Variants in COL4A2 observed in about 807,000 individuals in gnomAD.
COL4A2 encodes collagen alpha-2(IV) chain.
A neutral mutation model predicts 200.2 loss-of-function variants in COL4A2; 99 were observed. That is an observed-to-expected ratio of 0.49 (90% CI 0.42 to 0.58). COL4A2 has a LOEUF of 0.58. COL4A2 is among the 20% of genes least tolerant of loss of function. COL4A2 has a pLI of 0.00. For missense variants in COL4A2, 1,950 were observed against 2,314.1 expected (o/e 0.84, Z 3.23); for synonymous variants, 897 against 900.6 (o/e 1.00, Z 0.07).
chr13:110,347,024 C>A (rs558628865), intron 3 of COL4A2, among the ~76,000 whole-genome samples: 8 of 152,220 alleles, frequency 5.3e-5, no homozygotes, highest in African/African-American at 1.9e-4. Context: ...CTGCCTTCCT[C>A]GCTGGTGAGA....
rs1566570964 is a variant in COL4A2 at position 110,503,101 on chromosome 13, C to A, written c.3878-20C>A. ...TGGGGCCCTGTTTAAACCCTCCTTT[C>A]TTGTCCCTAATGCCAACAGGTTATC... On this transcript the variant is annotated intron_variant, in intron 41 of 47. Coordinates refer to ENST00000360467, the MANE Select transcript of COL4A2 (RefSeq NM_001846.4). The A allele has an allele frequency of 6.2e-7, 1 of 1,611,730 alleles. No homozygotes were observed. The highest frequency in any genetic ancestry group is 1.3e-5 in the African/African-American group (1 of 74,830).
chr13:110,465,660 T>C (rs1882212447), intron 25 of COL4A2, 54 bp downstream of exon 25: 3 of 1,462,714 alleles, frequency 2.1e-6, no homozygotes, highest in African/African-American at 2.8e-5. Context: ...TTCCACGCTT[T>C]CCTTTGTCAG....
rs556170729 is a variant in COL4A2 at position 110,311,233 on chromosome 13, G to A, written c.99+3110G>A. Among the ~76,000 whole-genome samples, 427 of 152,296 alleles carry A rather than the reference G, an allele frequency of 2.8e-3. 1 individual carries two copies. Among genetic ancestry groups the A allele is most frequent in the African/African-American group, 9.3e-3 (388 of 41,570 alleles). On this transcript the variant is annotated intron_variant, in intron 3 of 47. Coordinates refer to ENST00000360467, the MANE Select transcript of COL4A2 (RefSeq NM_001846.4). ...GGAGGAAAGGAAGCCGAAATCCCAC[G>A]GGGCAGCCTGGGCTCTAGACTCAGT...
chr13:110,408,782 C>G (rs1292182098), intron 4 of COL4A2, among the ~76,000 whole-genome samples: 1 of 146,460 alleles, frequency 6.8e-6, no homozygotes, highest in South Asian at 2.2e-4. Flanking sequence ...AGCCACATGA[C>G]ACGCGTACAC....
intron 22 of COL4A2, 112 bp downstream of exon 22, chr13:110,459,046 T>C (rs1031531285): frequency 9.3e-7 from 1 of 1,078,946 alleles, no homozygotes; most frequent in Non-Finnish European, 1.3e-6. Flanking sequence ...GCAACACTCA[T>C]GGACCCAAGG....
chr13:110,501,735 C>G lies in COL4A2; in HGVS notation c.3828C>G (p.Ile1276Met), dbSNP rs1883650474. 6.2e-7 allele frequency: 1 copy of G among 1,613,658 alleles called. No homozygotes were observed. Among genetic ancestry groups the G allele is most frequent in the African/African-American group, 1.3e-5 (1 of 74,922 alleles). ...CTGGTATCACACCCCCTTCCAACAT[C>G]TCTGGGGCACCTGGTGACAAAGGGG... ...GFPGITPPSN[I>M]SGAPGDKGAP... The change falls in exon 41 of 48, where the codon ATC becomes ATG. Residue 1276 changes from isoleucine (I) to methionine (M), a missense_variant. Physicochemically the swap from Ile to Met is conservative, Grantham distance 10. Coordinates refer to ENST00000360467, the MANE Select transcript of COL4A2 (RefSeq NM_001846.4).
chr13:110,497,346 G>T (rs1187355008), intron 40 of COL4A2, among the ~76,000 whole-genome samples: 1 of 147,996 alleles, frequency 6.8e-6, no homozygotes. Flanking sequence ...CACCAGCACA[G>T]CTTCAGCCAG....
chr13:110,347,564 C>T (rs1268143856), intron 3 of COL4A2, among the ~76,000 whole-genome samples: 1 of 152,262 alleles, frequency 6.6e-6, no homozygotes, highest in Non-Finnish European at 1.5e-5. Flanking sequence ...TGCCATCCCT[C>T]CACTGTCATT....
At chr13:110,482,401 G>C (rs1882965143) in intron 31 of COL4A2, 115 bp from the exon 32 acceptor site, 2 of 1,159,326 alleles carry the variant, frequency 1.7e-6, no homozygotes, top group Non-Finnish European at 2.5e-6. Flanking sequence ...CCTATTTTAG[G>C]TTCAGAATCT....
At chr13:110,314,469 G>A (rs781003168) in intron 3 of COL4A2, among the ~76,000 whole-genome samples, 4 of 152,220 alleles carry the variant, frequency 2.6e-5, no homozygotes, top group Non-Finnish European at 5.9e-5. Flanking sequence ...ATACAGCAGA[G>A]GTAGACCCAA....
At chr13:110,403,652 G>A (rs557632048) in intron 4 of COL4A2, among the ~76,000 whole-genome samples, 4 of 152,178 alleles carry the variant, frequency 2.6e-5, no homozygotes, top group African/African-American at 7.2e-5. Flanking sequence ...TCACCCTTAA[G>A]GTTCTGTTCA....
At chr13:110,457,994 G>A (rs559098364) in intron 21 of COL4A2, 33 of 405,564 alleles carry the variant, frequency 8.1e-5, no homozygotes, top group African/African-American at 3.1e-4. Flanking sequence ...GCTCGAGGCC[G>A]TCCTCTGTGA....
At chr13:110,346,534 C>G (rs1161315978) in intron 3 of COL4A2, among the ~76,000 whole-genome samples, 1 of 152,164 alleles carries the variant, frequency 6.6e-6, no homozygotes, top group African/African-American at 2.4e-5. Flanking sequence ...ATGCAGGCAA[C>G]TCATATTTCG....
intron 28 of COL4A2, among the ~76,000 whole-genome samples, chr13:110,471,245 G>T (rs1882457835): frequency 6.6e-6 from 1 of 152,214 alleles, no homozygotes; most frequent in Non-Finnish European, 1.5e-5. Context: ...CTCCCCTGTA[G>T]GGGGGAATGG....
At chr13:110,393,491 A>G (rs965683374) in intron 4 of COL4A2, among the ~76,000 whole-genome samples, 3 of 152,028 alleles carry the variant, frequency 2.0e-5, no homozygotes, top group African/African-American at 7.3e-5. Context: ...CTGAGTAGTG[A>G]GGATTTTATT....
intron 36 of COL4A2, among the ~76,000 whole-genome samples, chr13:110,491,015 G>T (rs1244349635): frequency 6.6e-6 from 1 of 152,156 alleles, no homozygotes; most frequent in East Asian, 1.9e-4. Context: ...GACAGTGAGG[G>T]GTGCATGGGT....
intron 3 of COL4A2, among the ~76,000 whole-genome samples, chr13:110,347,752 T>A (rs953040408): frequency 5.9e-5 from 9 of 152,242 alleles, no homozygotes; most frequent in Non-Finnish European, 1.3e-4. Context: ...GAGGTGGCCC[T>A]GCCAATAGCA....
intron 18 of COL4A2, among the ~76,000 whole-genome samples, chr13:110,447,481 C>T (rs1054448220): frequency 3.9e-5 from 6 of 152,104 alleles, no homozygotes; most frequent in Non-Finnish European, 2.9e-5. Context: ...TCCAAATTGG[C>T]GAGATCATAT....
intron 3 of COL4A2, among the ~76,000 whole-genome samples, chr13:110,330,984 TCA>T (rs1875885118): frequency 2.6e-5 from 4 of 152,134 alleles, no homozygotes; most frequent in Non-Finnish European, 5.9e-5. Flanking sequence ...CCATCACTAC[TCA>T]TGAAATTGCT....
Sources: gnomAD v4.1 joint callset for allele counts (sites outside exome capture counted in the v4.1 genomes callset) on GRCh38, gnomAD v4.1.1 for gene constraint, MANE v1.5 for transcripts, NCBI Gene and HGNC (gene_info 2026-07-23, HGNC 2026-07-21) for gene names.